The following DNAH5 variants were observed in gnomAD, a reference collection of about 807,000 sequenced individuals.
The protein encoded by DNAH5 is axonemal beta dynein heavy chain 5.
Under a neutral mutation model 518.2 loss-of-function variants are expected in DNAH5, and 372 were observed. The observed-to-expected ratio is 0.72, with a 90% CI of 0.66 to 0.78. The LOEUF is 0.78. DNAH5 is among the 30% of genes least tolerant of loss of function. DNAH5 has a pLI of 0.00. For synonymous variants in DNAH5, 2,039 were observed against 2,025.9 expected, an observed-to-expected ratio of 1.01 and a Z score of -0.17; for missense variants, 5,523 against 5,687.0, an observed-to-expected ratio of 0.97 and a Z score of 0.93.
At chr5:14,005,082 A>G (rs192603409) in intron 1 of DNAH5, among the ~76,000 whole-genome samples, 75 of 152,150 alleles carry the variant, frequency 4.9e-4, no homozygotes, top group Non-Finnish European at 8.2e-4. Flanking sequence ...CTCAGCCTCA[A>G]CATCCTTCTA....
rs114730990 is a variant in DNAH5 at position 13,983,882 on chromosome 5, C to T, written c.12+27766G>A. 1.9e-3 allele frequency among the ~76,000 whole-genome samples: 288 copies of T among 152,306 alleles called. 2 individuals are homozygous for T. Among genetic ancestry groups the T allele is most frequent in the African/African-American group, 6.2e-3 (256 of 41,558 alleles). On this transcript the variant is annotated intron_variant, in intron 1 of 78. Transcript: ENST00000681290. ...AATTTTCAGACGCAAGCGCTGGAAC[C>T]ACAGAAAACAACTGATACAGTCAGC... is the stretch of plus-strand genomic sequence containing the variant.
chr5:13,914,108 A>C (rs1394742369), intron 10 of DNAH5, 150 bp from the exon 11 acceptor site: 9 of 989,902 alleles, frequency 9.1e-6, no homozygotes, highest in Non-Finnish European at 1.3e-5. Context: ...CAGCCTGGAA[A>C]ATCATCTTTT....
chr5:14,000,335 G>C (rs1312577144), intron 1 of DNAH5, among the ~76,000 whole-genome samples: 1 of 152,234 alleles, frequency 6.6e-6, no homozygotes, highest in Non-Finnish European at 1.5e-5. Flanking sequence ...CCCGGAAAAA[G>C]CCTTCGGAGT....
chr5:13,695,657 C>G (rs1290558774), intron 78 of DNAH5, among the ~76,000 whole-genome samples: 1 of 152,112 alleles, frequency 6.6e-6, no homozygotes, highest in Non-Finnish European at 1.5e-5. Flanking sequence ...CTTAATTTCT[C>G]CATCTGCAAA....
chr5:13,766,550 C>T (rs371419015), intron 58 of DNAH5, among the ~76,000 whole-genome samples: 7 of 152,286 alleles, frequency 4.6e-5, no homozygotes, highest in East Asian at 3.9e-4. Context: ...ATTTGTGGTG[C>T]TTTTTTACTT....
At chr5:14,001,678 CT>C (rs981305557) in intron 1 of DNAH5, among the ~76,000 whole-genome samples, 20 of 148,358 alleles carry the variant, frequency 1.3e-4, no homozygotes, top group African/African-American at 1.7e-4. Flanking sequence ...TTTTTCTTTT[CT>C]TTTTTTTTTT....
chr5:13,779,977 T>C (rs1580198670), intron 53 of DNAH5, among the ~76,000 whole-genome samples: 1 of 152,178 alleles, frequency 6.6e-6, no homozygotes, highest in Non-Finnish European at 1.5e-5. Flanking sequence ...TCATCAATGG[T>C]TTCCTATTGC....
At chr5:13,788,645 A>T in intron 51 of DNAH5, 71 bp downstream of exon 51, 1 of 1,309,404 alleles carries the variant, frequency 7.6e-7, no homozygotes, top group Non-Finnish European at 1.1e-6. Flanking sequence ...CATAAACTGA[A>T]TCTTCTGTCT....
At chr5:13,957,112 T>C (rs1780812215) in intron 1 of DNAH5, among the ~76,000 whole-genome samples, 1 of 152,328 alleles carries the variant, frequency 6.6e-6, no homozygotes, top group African/African-American at 2.4e-5. Context: ...TAAAACCTTA[T>C]GTTCAGAGGT....
In DNAH5 at chr5:13,753,567, C is replaced by T. The variant is rs781451232; in HGVS notation, c.10556-18G>A. The T allele has an allele frequency of 1.2e-6, 2 of 1,600,414 alleles. No homozygotes were observed. The highest frequency in any genetic ancestry group is 1.7e-6 in the Non-Finnish European group (2 of 1,169,082). On this transcript the variant is annotated intron_variant, in intron 62 of 78. Transcript: ENST00000265104. ...TACATCCCCTAAAATAGAAAACAAA[C>T]ACCATTGAAATACTTTACGTTCATC...
At chr5:13,837,109 A>G (rs6887266) in intron 35 of DNAH5, among the ~76,000 whole-genome samples, 68,588 of 152,140 alleles carry the variant, frequency 0.45, 16,422 homozygotes, top group African/African-American at 0.61. Flanking sequence ...ACAGCCCTGC[A>G]GACACCTGAT....
At chr5:13,837,572 C>A (rs1764565702) in intron 35 of DNAH5, among the ~76,000 whole-genome samples, 1 of 148,310 alleles carries the variant, frequency 6.7e-6, no homozygotes, top group South Asian at 2.1e-4. Context: ...AAAAAAAAAA[C>A]ATGAAATAAG....
At chr5:13,775,501 TAGAG>T (rs200472136) in intron 55 of DNAH5, among the ~76,000 whole-genome samples, 8 of 152,116 alleles carry the variant, frequency 5.3e-5, no homozygotes, top group South Asian at 4.2e-4. Context: ...AGATAGATAA[TAGAG>T]AGAGAAATAC....
chr5:13,878,283 G>T (rs928208628), intron 21 of DNAH5, among the ~76,000 whole-genome samples: 2 of 152,142 alleles, frequency 1.3e-5, no homozygotes, highest in Non-Finnish European at 2.9e-5. Context: ...AGGCATATGT[G>T]AATTTCCCCA....
At chr5:13,973,580 G>A (rs114634899) in intron 1 of DNAH5, among the ~76,000 whole-genome samples, 1 of 152,124 alleles carries the variant, frequency 6.6e-6, no homozygotes, top group Non-Finnish European at 1.5e-5. Context: ...GAGAGGAGGA[G>A]GATGTTAATT....
chr5:13,742,068 T>C (rs1201728282), intron 65 of DNAH5, among the ~76,000 whole-genome samples: 1 of 152,134 alleles, frequency 6.6e-6, no homozygotes, highest in Non-Finnish European at 1.5e-5. Context: ...TAAAAATAAG[T>C]AGTTTGAAAA....
chr5:13,939,282 G>A (rs924840782), intron 1 of DNAH5, among the ~76,000 whole-genome samples: 2 of 152,170 alleles, frequency 1.3e-5, no homozygotes, highest in South Asian at 4.1e-4. Context: ...CTAGACCAAC[G>A]TGAGTCCACG....
Position 13,727,669 on chromosome 5 carries a change from T to A in DNAH5, c.11884-13A>T. On this transcript the variant is annotated splice_polypyrimidine_tract_variant and intron_variant, in intron 69 of 78. Transcript: ENST00000265104. ...CATTTCTCGATATCTGAAAATACCA[T>A]GGGATAAAAACTGTGTCATGCCACC... The A allele has an allele frequency of 6.2e-7, 1 of 1,613,656 alleles. No individual in the cohort carries two copies. The highest frequency in any genetic ancestry group is 8.5e-7 in the Non-Finnish European group (1 of 1,179,658).
At chr5:13,833,131 C>CAAAAATAA (rs1491388495) in intron 35 of DNAH5, among the ~76,000 whole-genome samples, 1 of 140,250 alleles carries the variant, frequency 7.1e-6, no homozygotes, top group Non-Finnish European at 1.5e-5. Flanking sequence ...ATGTGTTATC[C>CAAAAATAA]AAAAAAAAAA....
Sources: allele counts gnomAD v4.1 joint callset (sites outside exome capture counted in the v4.1 genomes callset), GRCh38; gene constraint gnomAD v4.1.1; transcripts MANE v1.5; gene names NCBI Gene and HGNC (gene_info 2026-07-23, HGNC 2026-07-21).